AGBL1: variants seen among roughly 807,000 people sequenced by gnomAD.
AGBL1 encodes AGBL carboxypeptidase 1, also known as cytosolic carboxypeptidase 4.
AGBL1 carries 130 observed loss-of-function variants against 118.9 expected under a neutral mutation model. The ratio of observed to expected loss-of-function variants is 1.09; its 90% CI spans 0.95 to 1.26. The LOEUF (loss-of-function observed/expected upper bound fraction) is 1.26, where lower values mean the gene tolerates loss of function less well. Ranked by LOEUF, AGBL1 falls within the 50% of genes most tolerant of loss-of-function variation. AGBL1 has a pLI of 0.00. For missense variants in AGBL1, 1,584 were observed against 1,298.1 expected (o/e 1.22, Z -3.38); for synonymous variants, 555 against 478.9 (o/e 1.16, Z -2.08).
At chr15:86,712,008 C>G (rs188364930) in intron 22 of AGBL1, among the ~76,000 whole-genome samples, 123 of 152,262 alleles carry the variant, frequency 8.1e-4, no homozygotes, top group African/African-American at 2.8e-3. Flanking sequence ...AGGAAACTGA[C>G]ACCCAGAGAA....
At chr15:86,667,643 T>C (rs2085670783) in intron 21 of AGBL1, among the ~76,000 whole-genome samples, 1 of 152,190 alleles carries the variant, frequency 6.6e-6, no homozygotes, top group Non-Finnish European at 1.5e-5. Context: ...TAAACTCAGA[T>C]ATTTTTTGGA....
rs1367580143 is a variant in AGBL1, at chr15:86,256,949, G to C, written c.832G>C (p.Ala278Pro). The change falls in exon 8 of 23, where the codon GCC (alanine) becomes CCC (proline). Residue 278 changes from alanine to proline, a missense_variant. Physicochemically the swap from Ala to Pro is conservative, Grantham distance 27. Coordinates refer to ENST00000614907, the MANE Select transcript of AGBL1 (RefSeq NM_001386094.1). The stretch of plus-strand genomic sequence containing the variant: ...TACGAGTCCACTTCCCTTGGTCACA[G>C]CCAGCAGTGCCTATGCCTTCCCGGT... ...YPTSPLPLVT[A>P]SSAYAFPVPG... The C allele has an allele frequency of 1.2e-5, 19 of 1,613,834 alleles. No individual in the cohort carries two copies. Among genetic ancestry groups the C allele is most frequent in the Non-Finnish European group, 1.6e-5 (19 of 1,179,890 alleles).
At chr15:86,141,575 C>T (rs763260050) in intron 1 of AGBL1, among the ~76,000 whole-genome samples, 7 of 152,148 alleles carry the variant, frequency 4.6e-5, no homozygotes, top group Admixed American at 1.3e-4. Flanking sequence ...TGCTTGAACC[C>T]GGGAGGTGGA....
intron 17 of AGBL1, among the ~76,000 whole-genome samples, chr15:86,368,189 A>G (rs770069595): frequency 1.3e-5 from 2 of 152,174 alleles, no homozygotes; most frequent in African/African-American, 2.4e-5. Context: ...CACCATGGGT[A>G]AAGAGCTCCC....
chr15:86,707,322 G>A (rs777880463), intron 22 of AGBL1, among the ~76,000 whole-genome samples: 2 of 152,102 alleles, frequency 1.3e-5, no homozygotes, highest in African/African-American at 2.4e-5. Flanking sequence ...TCTTGATGGT[G>A]TCATGGGAAT....
At chr15:86,363,166 T>C (rs1182961041) in intron 17 of AGBL1, among the ~76,000 whole-genome samples, 1 of 152,092 alleles carries the variant, frequency 6.6e-6, no homozygotes, top group Non-Finnish European at 1.5e-5. Context: ...CCAGTGTTTT[T>C]CAATCTCGTA....
At chr15:86,790,343 A>AAC (rs4035430) in intron 22 of AGBL1, among the ~76,000 whole-genome samples, 17,188 of 148,902 alleles carry the variant, frequency 0.12, 1,232 homozygotes, top group South Asian at 0.19. Flanking sequence ...TTGTCCTTCA[A>AAC]ACACACACAC....
chr15:86,793,620 C>G (rs1447450304), intron 22 of AGBL1, among the ~76,000 whole-genome samples: 3 of 152,100 alleles, frequency 2.0e-5, no homozygotes, highest in African/African-American at 4.8e-5. Context: ...ATAACTTGGA[C>G]TTTATCAAAA....
chr15:86,930,448 G>GCTT (rs1331420448), intron 23 of AGBL1, among the ~76,000 whole-genome samples: 2 of 152,150 alleles, frequency 1.3e-5, no homozygotes, highest in African/African-American at 2.4e-5. Flanking sequence ...TGGGGGCACT[G>GCTT]CTTCGGGAGA....
chr15:86,901,625 G>A (rs28619199), intron 22 of AGBL1, among the ~76,000 whole-genome samples: 30,173 of 151,808 alleles, frequency 0.2, 4,578 homozygotes, highest in African/African-American at 0.43. Context: ...TTTTTTCTTT[G>A]AACCCAATTC....
chr15:86,517,806 T>C (rs1596214683), intron 18 of AGBL1, among the ~76,000 whole-genome samples: 1 of 152,132 alleles, frequency 6.6e-6, no homozygotes, highest in African/African-American at 2.4e-5. Context: ...TCCTCTTTTT[T>C]CTTTTCTCCA....
chr15:86,822,684 T>G (rs1020463437), intron 22 of AGBL1, among the ~76,000 whole-genome samples: 1 of 152,064 alleles, frequency 6.6e-6, no homozygotes, highest in African/African-American at 2.4e-5. Context: ...ATGCAGTTTT[T>G]CAGGAAAGAA....
chr15:86,821,299 A>G (rs2078940454), intron 22 of AGBL1, among the ~76,000 whole-genome samples: 2 of 152,192 alleles, frequency 1.3e-5, no homozygotes, highest in African/African-American at 2.4e-5. Flanking sequence ...CATGTTCTGC[A>G]CATGTATTCC....
chr15:86,206,609 C>T (rs150318859), intron 5 of AGBL1, among the ~76,000 whole-genome samples: 4,713 of 152,304 alleles, frequency 0.031, 117 homozygotes, highest in South Asian at 0.079. Flanking sequence ...GCATAAATGT[C>T]TTCTTTTGAG....
intron 21 of AGBL1, among the ~76,000 whole-genome samples, chr15:86,564,546 C>T (rs566849540): frequency 1.1e-4 from 17 of 152,324 alleles, no homozygotes; most frequent in Admixed American, 3.9e-4. Context: ...CGACCTTTCT[C>T]TCTGGCTGCC....
At chr15:86,094,917 T>A (rs905778228) in intron 1 of AGBL1, among the ~76,000 whole-genome samples, 4 of 152,158 alleles carry the variant, frequency 2.6e-5, no homozygotes, top group African/African-American at 9.7e-5. Context: ...CTTAATCCCA[T>A]GAGACTGCTT....
At chr15:86,098,737 C>T (rs945657780) in intron 1 of AGBL1, among the ~76,000 whole-genome samples, 29 of 152,202 alleles carry the variant, frequency 1.9e-4, no homozygotes, top group African/African-American at 7.0e-4. Flanking sequence ...ATTTAGAAGT[C>T]AGGTAGTGTA....
intron 24 of AGBL1, among the ~76,000 whole-genome samples, chr15:87,006,200 A>T (rs2081500898): frequency 1.3e-5 from 2 of 152,146 alleles, no homozygotes; most frequent in Non-Finnish European, 2.9e-5. Context: ...ATGCTGGGAG[A>T]ACCACTACTC....
chr15:86,761,607 G>A (rs1278124282), intron 22 of AGBL1, among the ~76,000 whole-genome samples: 2 of 152,062 alleles, frequency 1.3e-5, no homozygotes, highest in African/African-American at 2.4e-5. Context: ...TATCTCAACT[G>A]CAATGAAATT....
Sources: gnomAD v4.1 joint callset for allele counts (sites outside exome capture counted in the v4.1 genomes callset) on GRCh38, gnomAD v4.1.1 for gene constraint, MANE v1.5 for transcripts, NCBI Gene and HGNC (gene_info 2026-07-23, HGNC 2026-07-21) for gene names.